ZPBP: variants seen among roughly 807,000 people sequenced by gnomAD.
ZPBP encodes zona pellucida-binding protein 1.
Under a neutral mutation model 44.8 loss-of-function variants are expected in ZPBP, and 26 were observed. The observed-to-expected ratio is 0.58, with a 90% CI of 0.43 to 0.81. The LOEUF (loss-of-function observed/expected upper bound fraction) is 0.81. ZPBP is among the 30% of genes least tolerant of loss of function. The probability of loss-of-function intolerance (pLI) is 0.00; values close to 1 mark genes in which losing one functional copy is unlikely to be tolerated. For missense variants in ZPBP, 409 were observed against 434.0 expected, an observed-to-expected ratio of 0.94 and a Z score of 0.51; for synonymous variants, 174 against 153.2, an observed-to-expected ratio of 1.14 and a Z score of -1.00.
intron 1 of ZPBP, among the ~76,000 whole-genome samples, chr7:49,908,709 TG>T (rs1479982812): frequency 6.6e-6 from 1 of 151,992 alleles, no homozygotes; most frequent in Non-Finnish European, 1.5e-5. Context: ...ATTACAGATA[TG>T]GGCAAGATCA....
chr7:49,948,805 A>G (rs910389543), intron 7 of ZPBP, among the ~76,000 whole-genome samples: 1 of 152,204 alleles, frequency 6.6e-6, no homozygotes, highest in African/African-American at 2.4e-5. Context: ...GAAAATCAGT[A>G]TGGTGGCTCT....
rs1220691094 is a variant in ZPBP, at chr7:49,877,481, AATATATATAT to A, written n.509+23627_509+23636del. On this transcript the variant is annotated intron_variant and non_coding_transcript_variant, in intron 2 of 2. Coordinates refer to the ZPBP transcript ENST00000465922. ...CTGTCTCAAAAAAAAAAAAAAAAAA[AATATATATAT>A]ATATATATATATATATATATATATA... is the stretch of plus-strand genomic sequence containing the variant. Among the ~76,000 whole-genome samples the A allele has an allele frequency of 9.0e-3, 115 of 12,720 alleles. 7 individuals are homozygous for A. The highest frequency in any genetic ancestry group is 0.025 in the Admixed American group (18 of 716). 8.3% of individuals were successfully genotyped at this position (12,720 alleles called of 152,430 possible).
intron 2 of ZPBP, among the ~76,000 whole-genome samples, chr7:49,899,346 A>G (rs775098381): frequency 1.3e-5 from 2 of 152,026 alleles, no homozygotes; most frequent in African/African-American, 4.8e-5. Flanking sequence ...ATTAAAGTTT[A>G]GGAGTTTTTT....
At chr7:50,064,373 T>C (rs1327708965) in intron 3 of ZPBP, among the ~76,000 whole-genome samples, 2 of 152,174 alleles carry the variant, frequency 1.3e-5, no homozygotes, top group Non-Finnish European at 2.9e-5. Context: ...TCAGGCACCA[T>C]TGTCATTGAT....
intron 1 of ZPBP, among the ~76,000 whole-genome samples, chr7:49,929,831 CAT>C (rs1278726087): frequency 6.6e-6 from 1 of 152,126 alleles, no homozygotes; most frequent in Admixed American, 6.5e-5. Flanking sequence ...ATTAAATGTA[CAT>C]GTTACTAATG....
In ZPBP at chr7:49,983,435, T is replaced by C; in HGVS notation, c.868A>G (p.Ile290Val). The stretch of plus-strand genomic sequence containing the variant: ...CAAACCATTTGGAGAGTACCTTCAA[T>C]ATAGTATATTTGAGGTAATTGTTCT... ...RAEQLPQIYYIEGTLQMVWIN... is the reference protein window; with the variant it reads ...RAEQLPQIYYVEGTLQMVWIN... The change falls in exon 7 of 8, where the codon ATT becomes GTT. Residue 290 changes from isoleucine (I) to valine (V), a missense_variant. By Grantham distance (29) the Ile-to-Val change is conservative. Around this residue, in one of 2 missense-constraint regions of ZPBP, gnomAD observed 367 missense variants for 363.1 expected, o/e 1.01. Transcript: ENST00000046087. 1.2e-6 allele frequency: 2 copies of C among 1,611,742 alleles called. No homozygotes were observed. The highest frequency in any genetic ancestry group is 1.7e-6 in the Non-Finnish European group (2 of 1,178,106).
chr7:49,923,906 C>T (rs531560235), intron 1 of ZPBP, among the ~76,000 whole-genome samples: 2 of 152,190 alleles, frequency 1.3e-5, no homozygotes, highest in African/African-American at 4.8e-5. Context: ...GGTGGATCAC[C>T]TGAGGTCAGG....
chr7:49,907,570 C>A (rs1319392803), intron 1 of ZPBP, among the ~76,000 whole-genome samples: 3 of 152,118 alleles, frequency 2.0e-5, no homozygotes, highest in Non-Finnish European at 2.9e-5. Context: ...ATATGAGTAA[C>A]CATGGTCCAT....
At chr7:49,944,306 C>A in intron 7 of ZPBP, 1 of 285,388 alleles carries the variant, frequency 3.5e-6, no homozygotes, top group Non-Finnish European at 6.8e-6. Context: ...TTTCTTTTGC[C>A]TGTACATATT....
intron 4 of ZPBP, among the ~76,000 whole-genome samples, chr7:50,054,547 C>T (rs190934336): frequency 2.6e-5 from 4 of 151,938 alleles, no homozygotes; most frequent in East Asian, 1.9e-4. Flanking sequence ...TATTCAAAAC[C>T]GATAACAATT....
chr7:50,020,572 C>T (rs777849608), intron 5 of ZPBP, among the ~76,000 whole-genome samples: 2 of 152,094 alleles, frequency 1.3e-5, no homozygotes, highest in Admixed American at 6.6e-5. Flanking sequence ...AAGCTTCTCG[C>T]ACATCCCCTC....
intron 2 of ZPBP, among the ~76,000 whole-genome samples, chr7:49,856,106 T>C (rs959262238): frequency 1.3e-5 from 2 of 152,180 alleles, no homozygotes; most frequent in African/African-American, 4.8e-5. Flanking sequence ...TGGGAGGCAA[T>C]GCATAAGACC....
At chr7:50,034,442 T>C (rs1030794481) in intron 4 of ZPBP, among the ~76,000 whole-genome samples, 2 of 152,204 alleles carry the variant, frequency 1.3e-5, no homozygotes, top group African/African-American at 4.8e-5. Context: ...AACTACAATC[T>C]GGGAAAATCT....
the ZPBP span, among the ~76,000 whole-genome samples, chr7:49,841,621 G>A: frequency 5.9e-5 from 9 of 152,202 alleles, no homozygotes; most frequent in Non-Finnish European, 1.0e-4. Flanking sequence ...CAGACCTTCC[G>A]GGAGGACAGA....
chr7:49,882,915 C>T (rs752143441), intron 2 of ZPBP, among the ~76,000 whole-genome samples: 3 of 151,856 alleles, frequency 2.0e-5, no homozygotes, highest in South Asian at 2.1e-4. Flanking sequence ...CTATCTTAAA[C>T]TCTTCTGGAG....
chr7:49,892,162 A>G (rs914676958), intron 2 of ZPBP, among the ~76,000 whole-genome samples: 5 of 143,790 alleles, frequency 3.5e-5, no homozygotes, highest in Non-Finnish European at 7.5e-5. Context: ...CTCCTGCCTC[A>G]GCCTCCCGAG....
intron 3 of ZPBP, among the ~76,000 whole-genome samples, chr7:50,069,847 G>A (rs1801745487): frequency 2.6e-5 from 4 of 152,006 alleles, no homozygotes; most frequent in Admixed American, 2.0e-4. Context: ...CGGCTACGAA[G>A]CTGGTCCTAT....
At chr7:49,964,976 T>TAC (rs1796003047) in intron 7 of ZPBP, among the ~76,000 whole-genome samples, 1 of 152,124 alleles carries the variant, frequency 6.6e-6, no homozygotes, top group African/African-American at 2.4e-5. Context: ...CACACAGGGC[T>TAC]GAGAATAGTC....
chr7:50,082,170 C>A (rs765881038), intron 2 of ZPBP, among the ~76,000 whole-genome samples: 9 of 151,772 alleles, frequency 5.9e-5, no homozygotes, highest in Non-Finnish European at 8.8e-5. Flanking sequence ...TCATTCAGAG[C>A]TCATATACAC....
Sources: allele counts gnomAD v4.1 joint callset (sites outside exome capture counted in the v4.1 genomes callset), GRCh38; gene constraint gnomAD v4.1.1; regional missense constraint gnomAD v4.1.1; transcripts MANE v1.5; gene names NCBI Gene and HGNC (gene_info 2026-07-23, HGNC 2026-07-21).